Variants in GRM3 observed in about 807,000 individuals in gnomAD.
GRM3 encodes metabotropic glutamate receptor 3.
In GRM3, 26 loss-of-function variants were observed where a neutral mutation model predicts 70.5. The observed-to-expected ratio is 0.37, with a 90% CI of 0.27 to 0.51. The LOEUF (loss-of-function observed/expected upper bound fraction) is 0.51. GRM3 is among the 20% of genes least tolerant of loss of function. GRM3 has a pLI of 0.93. For synonymous variants in GRM3, 443 were observed against 434.9 expected (o/e 1.02, Z -0.23); for missense variants, 859 against 1,123.8 (o/e 0.76, Z 3.37).
rs543330019 is a variant in GRM3, at chr7:86,660,648, G to A, written c.-141+15776G>A. Among the ~76,000 whole-genome samples, 247 of 151,814 alleles carry A rather than the reference G, an allele frequency of 1.6e-3. 3 individuals are homozygous for A. Among genetic ancestry groups the A allele is most frequent in the Admixed American group, 0.013 (198 of 15,254 alleles). Reference sequence around the variant, plus strand: ...ACATGGATTCATTAGTTGATAAAAAGCACTTAGTAAAAATTATATCTATTT... The same window carrying A: ...ACATGGATTCATTAGTTGATAAAAAACACTTAGTAAAAATTATATCTATTT... On this transcript the variant is annotated intron_variant, in intron 1 of 5. Transcript: ENST00000361669.
At chr7:86,750,692 A>G (rs1246761305) in intron 1 of GRM3, among the ~76,000 whole-genome samples, 2 of 151,100 alleles carry the variant, frequency 1.3e-5, no homozygotes, top group Non-Finnish European at 2.9e-5. Flanking sequence ...ACTAAAGTAG[A>G]TTAAAAAAAA....
intron 3 of GRM3, among the ~76,000 whole-genome samples, chr7:86,838,239 T>C (rs1798494843): frequency 6.6e-6 from 1 of 152,220 alleles, no homozygotes; most frequent in Admixed American, 6.5e-5. Context: ...TTAATGTCAA[T>C]ATTAAATTTA....
At chr7:86,767,513 TCATATATATATATATA>T (rs1225566394) in intron 2 of GRM3, among the ~76,000 whole-genome samples, 2 of 86,316 alleles carry the variant, frequency 2.3e-5, no homozygotes, top group African/African-American at 4.1e-5. Flanking sequence ...CGGTCATACT[TCATATATATATATATA>T]TATATATATA....
intron 1 of GRM3, among the ~76,000 whole-genome samples, chr7:86,672,528 T>G (rs1464467444): frequency 6.6e-6 from 1 of 152,196 alleles, no homozygotes; most frequent in Non-Finnish European, 1.5e-5. Context: ...TTTTCTAGAT[T>G]TAGCAGTGCC....
chr7:86,698,538 AAAATACACATTAT>A (rs1794880112), intron 1 of GRM3, among the ~76,000 whole-genome samples: 2 of 142,232 alleles, frequency 1.4e-5, no homozygotes, highest in African/African-American at 5.6e-5. Flanking sequence ...ATATATATAT[AAAATACACATTAT>A]TATTATATAT....
At chr7:86,720,363 G>A (rs1795428241) in intron 1 of GRM3, among the ~76,000 whole-genome samples, 1 of 151,968 alleles carries the variant, frequency 6.6e-6, no homozygotes, top group Admixed American at 6.6e-5. Flanking sequence ...TACCAGCAAG[G>A]CACTAAAATG....
intron 2 of GRM3, among the ~76,000 whole-genome samples, chr7:86,785,563 C>T (rs1797207843): frequency 6.6e-6 from 1 of 150,484 alleles, no homozygotes; most frequent in African/African-American, 2.4e-5. Flanking sequence ...TTTCTTTTCA[C>T]ATAGTCCAAG....
chr7:86,646,003 G>A (rs1443490323), intron 1 of GRM3, among the ~76,000 whole-genome samples: 25,722 of 58,810 alleles, frequency 0.44, 7,306 homozygotes, highest in East Asian at 0.85. Context: ...GGGGGTGGGG[G>A]GGTGGGGGGG....
chr7:86,840,337 A>C (rs564289162), intron 4 of GRM3, among the ~76,000 whole-genome samples: 6 of 152,300 alleles, frequency 3.9e-5, no homozygotes, highest in South Asian at 2.1e-4. Flanking sequence ...ATTAAAATAC[A>C]CTTGCAATAT....
chr7:86,816,352 G>T (rs977562442), intron 3 of GRM3, among the ~76,000 whole-genome samples: 1 of 151,706 alleles, frequency 6.6e-6, no homozygotes, highest in East Asian at 1.9e-4. Context: ...TAGGTAAATT[G>T]CATGTCACAG....
intron 1 of GRM3, among the ~76,000 whole-genome samples, chr7:86,750,604 T>G (rs1049485446): frequency 2.6e-5 from 4 of 151,754 alleles, no homozygotes; most frequent in Admixed American, 6.6e-5. Flanking sequence ...AAGATGAAAT[T>G]TAGAGTGACA....
chr7:86,839,930 T>C lies in GRM3; in HGVS notation c.2391+25T>C. The C allele has an allele frequency of 8.0e-7, 1 of 1,248,606 alleles. No individual in the cohort carries two copies. Among genetic ancestry groups the C allele is most frequent in the Non-Finnish European group, 1.2e-6 (1 of 851,952 alleles). 77.3% of individuals were successfully genotyped at this position (1,248,606 alleles called of 1,614,324 possible). ...AGTAAGTCTTTGATTGTTTCTTATT[T>C]TTCTTGTTCTTTCTCCTCCAGTGTT... On this transcript the variant is annotated intron_variant, in intron 4 of 5. Coordinates refer to ENST00000361669, the MANE Select transcript of GRM3 (RefSeq NM_000840.3). This position sits in a 1 kb window ranked among gnomAD's most constrained non-coding sequence, Gnocchi z 4.5.
At chr7:86,714,277 T>C (rs1207133979) in intron 1 of GRM3, among the ~76,000 whole-genome samples, 1 of 152,052 alleles carries the variant, frequency 6.6e-6, no homozygotes, top group Non-Finnish European at 1.5e-5. Context: ...TCATGTGATG[T>C]AACTATACAC....
At chr7:86,652,002 GAA>G (rs1331766880) in intron 1 of GRM3, among the ~76,000 whole-genome samples, 2 of 152,150 alleles carry the variant, frequency 1.3e-5, no homozygotes, top group Non-Finnish European at 1.5e-5. Flanking sequence ...TCATTTTTCA[GAA>G]AAGGTAACTT....
chr7:86,826,331 C>T (rs1798232690), intron 3 of GRM3, among the ~76,000 whole-genome samples: 1 of 152,192 alleles, frequency 6.6e-6, no homozygotes, highest in Admixed American at 6.5e-5. Context: ...CTCTAGAAGA[C>T]TATATATCTC....
intron 5 of GRM3, among the ~76,000 whole-genome samples, chr7:86,852,663 A>G (rs1162826859): frequency 1.3e-5 from 2 of 152,186 alleles, no homozygotes; most frequent in African/African-American, 4.8e-5. Flanking sequence ...CCTAATCAAT[A>G]CAAATCAATG....
intron 3 of GRM3, among the ~76,000 whole-genome samples, chr7:86,819,348 A>T (rs1798074571): frequency 6.6e-6 from 1 of 152,128 alleles, no homozygotes; most frequent in Non-Finnish European, 1.5e-5. Flanking sequence ...AAGCTTTGAA[A>T]AAAAGGATTT....
At chr7:86,724,547 G>A (rs1795548050) in intron 1 of GRM3, among the ~76,000 whole-genome samples, 1 of 152,120 alleles carries the variant, frequency 6.6e-6, no homozygotes, top group Admixed American at 6.6e-5. Flanking sequence ...TAGACCAACT[G>A]TCCCATGGTT....
intron 2 of GRM3, among the ~76,000 whole-genome samples, chr7:86,777,009 T>C (rs965746750): frequency 1.3e-5 from 2 of 152,196 alleles, no homozygotes; most frequent in African/African-American, 4.8e-5. Flanking sequence ...CCTTCTTGTT[T>C]GTCTTGTAAG....
Sources: gnomAD v4.1 joint callset for allele counts (sites outside exome capture counted in the v4.1 genomes callset) on GRCh38, gnomAD v4.1.1 for gene constraint, Gnocchi (gnomAD v3.1) non-coding constraint, MANE v1.5 for transcripts, NCBI Gene and HGNC (gene_info 2026-07-23, HGNC 2026-07-21) for gene names.